Variants in TMEFF1 observed in about 807,000 individuals in gnomAD.
TMEFF1 encodes tomoregulin-1.
In TMEFF1, 20 loss-of-function variants were observed where a neutral mutation model predicts 47.5. That is an observed-to-expected ratio of 0.42 (90% confidence interval 0.30 to 0.61). TMEFF1 has a LOEUF of 0.61. Ranked by LOEUF, TMEFF1 falls within the 20% of genes least tolerant of loss-of-function variation. The pLI is 0.19. For synonymous variants in TMEFF1, 162 were observed against 166.3 expected (o/e 0.97, Z 0.20); for missense variants, 411 against 471.1 (o/e 0.87, Z 1.18).
chr9:100,552,423 AG>A (rs1371794804), intron 7 of TMEFF1, among the ~76,000 whole-genome samples: 1 of 152,220 alleles, frequency 6.6e-6, no homozygotes, highest in African/African-American at 2.4e-5. Context: ...CACAGAACTA[AG>A]GATATTAGGT....
chr9:100,540,868 CTTT>C (rs1838615713), intron 5 of TMEFF1, among the ~76,000 whole-genome samples: 1 of 152,108 alleles, frequency 6.6e-6, no homozygotes, highest in Non-Finnish European at 1.5e-5. Context: ...TATGTTTCCT[CTTT>C]TATTTCTATT....
rs1838510397 is a variant in TMEFF1 at position 100,536,473 on chromosome 9, A to G, written c.561-11271A>G. On this transcript the variant is annotated intron_variant, in intron 5 of 9. Coordinates refer to ENST00000374879, the MANE Select transcript of TMEFF1 (RefSeq NM_003692.5). ...AGCAGGGAGGTTCACAATTAATTTA[A>G]TACCTCAAGTTTTGTTTAAGTAATG... is the stretch of plus-strand genomic sequence containing the variant. 2.0e-5 allele frequency among the ~76,000 whole-genome samples: 3 copies of G among 152,204 alleles called. No individual in the cohort carries two copies. In the South Asian group the frequency reaches 6.2e-4, roughly 32 times the overall value.
chr9:100,528,464 T>C (rs1468688024), intron 5 of TMEFF1, among the ~76,000 whole-genome samples: 3 of 146,942 alleles, frequency 2.0e-5, no homozygotes, highest in Admixed American at 6.8e-5. Flanking sequence ...CAGGAGCCGA[T>C]GCGATCAACT....
At chr9:100,521,356 C>T (rs1232537905) in intron 5 of TMEFF1, among the ~76,000 whole-genome samples, 1 of 152,154 alleles carries the variant, frequency 6.6e-6, no homozygotes, top group Non-Finnish European at 1.5e-5. Context: ...TAATGCTTAC[C>T]TTTCAAATTT....
chr9:100,555,590 G>A (rs906622409), intron 7 of TMEFF1, among the ~76,000 whole-genome samples: 4 of 152,080 alleles, frequency 2.6e-5, no homozygotes, highest in African/African-American at 9.7e-5. Flanking sequence ...TCTGTAATTA[G>A]GGACAGTAAT....
intron 2 of TMEFF1, among the ~76,000 whole-genome samples, chr9:100,505,088 G>A (rs1837831144): frequency 6.6e-6 from 1 of 152,080 alleles, no homozygotes; most frequent in Admixed American, 6.5e-5. Context: ...TCAGATGTTT[G>A]TGTCTGCTTA....
chr9:100,525,509 C>T (rs943038261), intron 5 of TMEFF1, among the ~76,000 whole-genome samples: 6 of 142,960 alleles, frequency 4.2e-5, no homozygotes, highest in Non-Finnish European at 9.3e-5. Context: ...AGCGTCTGTC[C>T]CCATGGAGTC....
intron 5 of TMEFF1, among the ~76,000 whole-genome samples, chr9:100,519,902 G>A (rs1425381252): frequency 2.0e-5 from 3 of 151,836 alleles, no homozygotes; most frequent in Non-Finnish European, 2.9e-5. Context: ...CAGCACTCCT[G>A]TTTATATACA....
chr9:100,497,320 C>CTGTTTT (rs1554683242), intron 1 of TMEFF1, among the ~76,000 whole-genome samples: 1 of 59,526 alleles, frequency 1.7e-5, no homozygotes, highest in African/African-American at 6.8e-5. Flanking sequence ...CCACTCATGT[C>CTGTTTT]TTTTTTTTTT....
intron 1 of TMEFF1, among the ~76,000 whole-genome samples, chr9:100,482,133 G>A (rs998566030): frequency 1.3e-5 from 2 of 151,396 alleles, no homozygotes; most frequent in Non-Finnish European, 2.9e-5. Context: ...AAATCTGGAG[G>A]TTTCACTTGG....
intron 3 of TMEFF1, among the ~76,000 whole-genome samples, chr9:100,510,807 G>A (rs1013331383): frequency 6.6e-6 from 1 of 152,058 alleles, no homozygotes. Flanking sequence ...CATTATGTAA[G>A]TATAATTTGA....
chr9:100,548,228 A>G (rs1407877029), intron 6 of TMEFF1, among the ~76,000 whole-genome samples: 4 of 152,092 alleles, frequency 2.6e-5, no homozygotes, highest in African/African-American at 9.7e-5. Flanking sequence ...ACTTATTTTA[A>G]TTTCAGTAAA....
At chr9:100,550,258 T>C in intron 7 of TMEFF1, 98 bp downstream of exon 7, 1 of 1,244,312 alleles carries the variant, frequency 8.0e-7, no homozygotes. Flanking sequence ...CACCTCTAAC[T>C]TTGCTCTCTA....
rs561457663 is a variant in TMEFF1 at position 100,548,874 on chromosome 9, A to G, written c.709+982A>G. Among the ~76,000 whole-genome samples, 11 of 152,246 alleles carry G rather than the reference A, an allele frequency of 7.2e-5. No homozygotes were observed. In the South Asian group the frequency reaches 1.0e-3, roughly 14 times the overall value. On this transcript the variant is annotated intron_variant, in intron 6 of 9. Coordinates refer to ENST00000374879, the MANE Select transcript of TMEFF1 (RefSeq NM_003692.5). ...GCATGATAGAGGACACCATTTACTG[A>G]CAGGGACCCCTTCTGGGTAGATGTC...
At chr9:100,557,880 T>C (rs1838944779) in intron 7 of TMEFF1, among the ~76,000 whole-genome samples, 2 of 151,932 alleles carry the variant, frequency 1.3e-5, no homozygotes, top group Admixed American at 1.3e-4. Flanking sequence ...CATGTAGCTA[T>C]GTCCAGAAAT....
At chr9:100,483,386 A>G (rs1327516257) in intron 1 of TMEFF1, among the ~76,000 whole-genome samples, 2 of 152,120 alleles carry the variant, frequency 1.3e-5, no homozygotes, top group Non-Finnish European at 2.9e-5. Context: ...AATCCCAGCT[A>G]CTCAGGAGTT....
chr9:100,562,845 G>T (rs529710706), intron 8 of TMEFF1, among the ~76,000 whole-genome samples: 1 of 151,342 alleles, frequency 6.6e-6, no homozygotes, highest in South Asian at 2.1e-4. Context: ...TTGAGATGGA[G>T]TCTCGCTCTG....
In TMEFF1 at chr9:100,557,351, G is replaced by T. The variant is rs1215870796; in HGVS notation, c.776-4046G>T. The stretch of plus-strand genomic sequence containing the variant: ...TCAACTAATTTTCATGTAAAACCCG[G>T]CTTTCCCTGTGCTGCTCTTCAAAAG... On this transcript the variant is annotated intron_variant, in intron 7 of 9. Coordinates refer to ENST00000374879, the MANE Select transcript of TMEFF1 (RefSeq NM_003692.5). 3.3e-5 allele frequency among the ~76,000 whole-genome samples: 5 copies of T among 151,990 alleles called. No homozygotes were observed. The East Asian group carries it at 9.7e-4, about 29-fold the overall frequency.
intron 5 of TMEFF1, among the ~76,000 whole-genome samples, chr9:100,534,819 G>A (rs1007519275): frequency 2.0e-5 from 3 of 152,062 alleles, no homozygotes; most frequent in Admixed American, 6.5e-5. Flanking sequence ...GTGATTACTT[G>A]TTTCTTATTG....
Sources: gnomAD v4.1 joint callset for allele counts (sites outside exome capture counted in the v4.1 genomes callset) on GRCh38, gnomAD v4.1.1 for gene constraint, MANE v1.5 for transcripts, NCBI Gene and HGNC (gene_info 2026-07-23, HGNC 2026-07-21) for gene names.